UNC13C: variants seen among roughly 807,000 people sequenced by gnomAD.
The protein encoded by UNC13C is protein unc-13 homolog C.
A neutral mutation model predicts 245.4 loss-of-function variants in UNC13C; 174 were observed. The observed-to-expected ratio is 0.71, with a 90% CI of 0.63 to 0.80. The LOEUF (loss-of-function observed/expected upper bound fraction) is 0.80. UNC13C is among the 30% of genes least tolerant of loss of function. The pLI is 0.00. For synonymous variants in UNC13C, 992 were observed against 895.1 expected (o/e 1.11, Z -1.93); for missense variants, 2,829 against 2,602.9 (o/e 1.09, Z -1.89).
intron 13 of UNC13C, among the ~76,000 whole-genome samples, chr15:54,307,999 C>A (rs1233961503): frequency 6.6e-6 from 1 of 151,882 alleles, no homozygotes; most frequent in African/African-American, 2.4e-5. Flanking sequence ...GATAGTCTTT[C>A]CTTTCATTTT....
chr15:54,181,231 T>A (rs2033787248), intron 4 of UNC13C, among the ~76,000 whole-genome samples: 1 of 152,026 alleles, frequency 6.6e-6, no homozygotes, highest in South Asian at 2.1e-4. Flanking sequence ...TACCTAGTTA[T>A]GCAAGTATCA....
chr15:53,973,056 GA>G, the UNC13C span, among the ~76,000 whole-genome samples: 1 of 151,960 alleles, frequency 6.6e-6, no homozygotes, highest in African/African-American at 2.4e-5. Flanking sequence ...AATAGAAAAG[GA>G]AAAAAGAAAT....
intron 17 of UNC13C, among the ~76,000 whole-genome samples, chr15:54,386,726 TAACAG>T (rs1018211219): frequency 6.6e-5 from 10 of 152,194 alleles, no homozygotes; most frequent in Admixed American, 2.0e-4. Context: ...TCTTCATGGC[TAACAG>T]TTTTTTAAAT....
chr15:54,158,948 C>A (rs920067387), intron 4 of UNC13C, among the ~76,000 whole-genome samples: 2 of 152,184 alleles, frequency 1.3e-5, no homozygotes, highest in Admixed American at 6.5e-5. Context: ...TCACACCCAG[C>A]CAATATTAGC....
At chr15:54,479,737 A>G (rs1263734260) in intron 19 of UNC13C, among the ~76,000 whole-genome samples, 1 of 151,334 alleles carries the variant, frequency 6.6e-6, no homozygotes, top group Non-Finnish European at 1.5e-5. Context: ...TTCTGTATGC[A>G]CTCTACTAGT....
intron 2 of UNC13C, among the ~76,000 whole-genome samples, chr15:54,065,137 G>A (rs538029215): frequency 5.0e-4 from 76 of 152,236 alleles, no homozygotes; most frequent in Non-Finnish European, 4.0e-4. Context: ...ATCTGACTAC[G>A]CAGGAGCTCA....
chr15:54,380,242 T>G (rs781223862), intron 17 of UNC13C, among the ~76,000 whole-genome samples: 2 of 152,082 alleles, frequency 1.3e-5, no homozygotes, highest in African/African-American at 4.8e-5. Context: ...ATTTTTGTCT[T>G]TCTGTGCCTG....
At chr15:54,613,414 T>C (rs1226366028) in intron 30 of UNC13C, among the ~76,000 whole-genome samples, 1 of 151,972 alleles carries the variant, frequency 6.6e-6, no homozygotes, top group Non-Finnish European at 1.5e-5. Flanking sequence ...ATGAATGGTA[T>C]ACTATACAGT....
At chr15:53,910,651 C>T in the UNC13C span, 1 of 146,168 alleles carries the variant, frequency 6.8e-6, no homozygotes, top group African/African-American at 2.4e-5. Context: ...GCTGCTGACC[C>T]TAAAGCCAAG....
chr15:54,569,615 T>TAA (rs1221113771), intron 30 of UNC13C, among the ~76,000 whole-genome samples: 4 of 151,994 alleles, frequency 2.6e-5, no homozygotes, highest in Admixed American at 6.6e-5. Flanking sequence ...TGTGTGTGTA[T>TAA]AATCAACTAT....
At chr15:54,462,505 G>A (rs144664881) in intron 19 of UNC13C, among the ~76,000 whole-genome samples, 3,851 of 152,334 alleles carry the variant, frequency 0.025, 141 homozygotes, top group Admixed American at 0.12. Context: ...GCGGGCCAGC[G>A]CCAGTTCTGG....
chr15:54,568,287 A>T (rs894399193), intron 30 of UNC13C, among the ~76,000 whole-genome samples: 2 of 152,126 alleles, frequency 1.3e-5, no homozygotes, highest in African/African-American at 4.8e-5. Context: ...TAAAAGACTC[A>T]GTGGATTTCT....
chr15:54,241,797 C>T (rs2035858610), intron 7 of UNC13C, among the ~76,000 whole-genome samples: 1 of 152,188 alleles, frequency 6.6e-6, no homozygotes. Flanking sequence ...CTGCAGAATA[C>T]ATGCTGAGTC....
At chr15:54,011,067 A>G (rs564837291) in intron 1 of UNC13C, among the ~76,000 whole-genome samples, 90 of 152,232 alleles carry the variant, frequency 5.9e-4, no homozygotes, top group African/African-American at 2.1e-3. Context: ...TAATTTTTAC[A>G]GATAGTGAGG....
At chr15:53,880,572 C>A in the UNC13C span, among the ~76,000 whole-genome samples, 2 of 152,174 alleles carry the variant, frequency 1.3e-5, no homozygotes, top group Non-Finnish European at 2.9e-5. Context: ...GCTGACAGCT[C>A]TCTCGGGACC....
At chr15:54,407,764 G>A (rs117299685) in intron 18 of UNC13C, among the ~76,000 whole-genome samples, 2,831 of 152,134 alleles carry the variant, frequency 0.019, 37 homozygotes, top group Non-Finnish European at 0.029. Context: ...TAAATTTAAA[G>A]AGGGACTACT....
chr15:54,115,813 T>C (rs956680996), intron 2 of UNC13C, among the ~76,000 whole-genome samples: 19 of 152,062 alleles, frequency 1.2e-4, no homozygotes, highest in Non-Finnish European at 2.4e-4. Context: ...ATGAATGACA[T>C]GATTTCCCTC....
At chr15:53,961,439 A>T in the UNC13C span, among the ~76,000 whole-genome samples, 63 of 152,342 alleles carry the variant, frequency 4.1e-4, no homozygotes, top group Non-Finnish European at 7.5e-4. Flanking sequence ...GGAGGGATGA[A>T]TGTACACACT....
chr15:54,584,338 G>A (rs570684160), intron 30 of UNC13C, among the ~76,000 whole-genome samples: 2 of 152,234 alleles, frequency 1.3e-5, no homozygotes, highest in East Asian at 3.9e-4. Flanking sequence ...ATGCAGTTAT[G>A]CCTCGTTTCA....
Sources: gnomAD v4.1 joint callset for allele counts (sites outside exome capture counted in the v4.1 genomes callset) on GRCh38, gnomAD v4.1.1 for gene constraint, MANE v1.5 for transcripts, NCBI Gene and HGNC (gene_info 2026-07-23, HGNC 2026-07-21) for gene names.